The following RBFOX1 variants were observed in gnomAD, a reference collection of about 807,000 sequenced individuals.
RBFOX1 encodes RNA binding fox-1 homolog 1.
RBFOX1 carries 8 observed loss-of-function variants against 57.7 expected under a neutral mutation model. The observed-to-expected ratio is 0.14, with a 90% confidence interval of 0.08 to 0.25. The LOEUF (loss-of-function observed/expected upper bound fraction) is 0.25. Among genes scored for constraint, RBFOX1 ranks in the 10% least tolerant of loss-of-function variants. The pLI, the probability that RBFOX1 is intolerant of heterozygous loss-of-function variation, is 1.00. For missense variants in RBFOX1, 611 were observed against 548.5 expected (o/e 1.11, Z -1.14); for synonymous variants, 326 against 222.4 (o/e 1.47, Z -4.15).
At chr16:6,863,739 T>A (rs1396423835) in intron 3 of RBFOX1, among the ~76,000 whole-genome samples, 9 of 82,352 alleles carry the variant, frequency 1.1e-4, no homozygotes, top group East Asian at 4.2e-4. Flanking sequence ...TTTTTTTTTT[T>A]TTTTTTTTTT....
intron 3 of RBFOX1, among the ~76,000 whole-genome samples, chr16:6,981,740 C>A (rs994415241): frequency 1.3e-5 from 2 of 152,096 alleles, no homozygotes; most frequent in African/African-American, 4.8e-5. Context: ...GAAAGACCAG[C>A]CCTCATGATT....
intron 4 of RBFOX1, among the ~76,000 whole-genome samples, chr16:5,951,931 G>C (rs1164298876): frequency 6.6e-6 from 1 of 151,486 alleles, no homozygotes; most frequent in Non-Finnish European, 1.5e-5. Flanking sequence ...TAATTACCAG[G>C]TACGTCAGAA....
intron 2 of RBFOX1, among the ~76,000 whole-genome samples, chr16:6,531,322 T>C (rs1185021611): frequency 6.6e-6 from 1 of 152,294 alleles, no homozygotes; most frequent in Non-Finnish European, 1.5e-5. Context: ...TATTTGCAGG[T>C]ACTTCACTTA....
intron 2 of RBFOX1, among the ~76,000 whole-genome samples, chr16:6,478,429 A>ATATTTTTTTTTTT (rs1159954387): frequency 8.1e-5 from 2 of 24,634 alleles, no homozygotes; most frequent in Non-Finnish European, 1.6e-4. Context: ...ATATATATAT[A>ATATTTTTTTTTTT]TTTTTTTTTT....
intron 2 of RBFOX1, among the ~76,000 whole-genome samples, chr16:6,400,109 C>G (rs1172969823): frequency 6.6e-6 from 1 of 152,156 alleles, no homozygotes; most frequent in Non-Finnish European, 1.5e-5. Context: ...ACCAACTTGA[C>G]CTATGACATT....
At chr16:6,092,507 T>G (rs1008929116) in intron 1 of RBFOX1, 1 of 152,244 alleles carries the variant, frequency 6.6e-6, no homozygotes, top group African/African-American at 2.4e-5. Flanking sequence ...ACGTGCTTCG[T>G]GTTCAACATG....
chr16:6,602,894 A>G (rs2097871986), intron 2 of RBFOX1, among the ~76,000 whole-genome samples: 1 of 151,922 alleles, frequency 6.6e-6, no homozygotes, highest in Non-Finnish European at 1.5e-5. Flanking sequence ...AGTGCTTAAG[A>G]CTCTTTCCCA....
chr16:7,575,440 C>G (rs1050740708), intron 5 of RBFOX1, among the ~76,000 whole-genome samples: 2 of 151,938 alleles, frequency 1.3e-5, no homozygotes, highest in Non-Finnish European at 2.9e-5. Context: ...ACCCTAGTAT[C>G]GTTTTAAGAA....
chr16:7,419,441 G>A (rs1028512087), intron 4 of RBFOX1, among the ~76,000 whole-genome samples: 1 of 152,180 alleles, frequency 6.6e-6, no homozygotes, highest in African/African-American at 2.4e-5. Context: ...TCCCGCCTTG[G>A]CGCAATGCAA....
chr16:5,476,048 C>T (rs1327356190), intron 2 of RBFOX1, among the ~76,000 whole-genome samples: 1 of 152,156 alleles, frequency 6.6e-6, no homozygotes, highest in Admixed American at 6.5e-5. Flanking sequence ...AGGCTCCTCC[C>T]TGCCTTGTTT....
intron 3 of RBFOX1, among the ~76,000 whole-genome samples, chr16:6,962,998 C>T (rs143451506): frequency 5.3e-5 from 8 of 152,148 alleles, no homozygotes; most frequent in African/African-American, 1.9e-4. Context: ...AATGCTGACT[C>T]CCAGCCAAGA....
In RBFOX1 at chr16:5,254,284, A is replaced by T. The variant is rs568596116; in HGVS notation, c.219+14179A>T. Among the ~76,000 whole-genome samples, 176 of 152,284 alleles carry T rather than the reference A, an allele frequency of 1.2e-3. 1 individual carries two copies. The highest frequency in any genetic ancestry group is 4.0e-3 in the African/African-American group (166 of 41,556). Reference sequence around the variant, plus strand: ...ACCACTTCACCATGGTTCTTCTCTCACAGTAGTTCTCCAACAGCAGGAGTG... The same window carrying T: ...ACCACTTCACCATGGTTCTTCTCTCTCAGTAGTTCTCCAACAGCAGGAGTG... On this transcript the variant is annotated intron_variant, in intron 1 of 2. Coordinates refer to the RBFOX1 transcript ENST00000585867.
chr16:5,550,265 C>T (rs1329840208), intron 2 of RBFOX1, among the ~76,000 whole-genome samples: 2 of 152,130 alleles, frequency 1.3e-5, no homozygotes, highest in Non-Finnish European at 2.9e-5. Flanking sequence ...AGCACCCAAT[C>T]GTGGCACCTG....
chr16:6,192,152 T>A (rs554949682), intron 1 of RBFOX1, among the ~76,000 whole-genome samples: 1 of 152,150 alleles, frequency 6.6e-6, no homozygotes, highest in Admixed American at 6.5e-5. Flanking sequence ...TCCTTCCCCA[T>A]CGCAATTTAG....
At chr16:5,430,453 A>T (rs964425133) in intron 1 of RBFOX1, among the ~76,000 whole-genome samples, 1 of 152,094 alleles carries the variant, frequency 6.6e-6, no homozygotes, top group African/African-American at 2.4e-5. Flanking sequence ...GATATGAGAG[A>T]GCTGGGGCTG....
At chr16:5,318,229 A>G (rs1050796387) in intron 1 of RBFOX1, among the ~76,000 whole-genome samples, 1 of 152,248 alleles carries the variant, frequency 6.6e-6, no homozygotes, top group African/African-American at 2.4e-5. Context: ...CCCAGGTTCA[A>G]GCGATTCTTG....
intron 1 of RBFOX1, among the ~76,000 whole-genome samples, chr16:5,365,280 T>C (rs2065679056): frequency 7.0e-6 from 1 of 143,352 alleles, no homozygotes; most frequent in Non-Finnish European, 1.6e-5. Context: ...GAGTGTAGAT[T>C]CTCTTGAAAA....
At chr16:6,375,189 A>T (rs949232618) in intron 2 of RBFOX1, among the ~76,000 whole-genome samples, 2 of 152,136 alleles carry the variant, frequency 1.3e-5, no homozygotes, top group Non-Finnish European at 2.9e-5. Context: ...CACCAACTGC[A>T]AGAGGGTATT....
At chr16:7,158,683 G>A (rs532860824) in intron 4 of RBFOX1, among the ~76,000 whole-genome samples, 2 of 141,496 alleles carry the variant, frequency 1.4e-5, no homozygotes, top group Admixed American at 1.6e-4. Flanking sequence ...TGTGTGTATG[G>A]TGTGTCTGTG....
Sources: gnomAD v4.1 joint callset for allele counts (sites outside exome capture counted in the v4.1 genomes callset) on GRCh38, gnomAD v4.1.1 for gene constraint, MANE v1.5 for transcripts, NCBI Gene and HGNC (gene_info 2026-07-23, HGNC 2026-07-21) for gene names.